The following ARHGAP25 variants were observed in gnomAD, a reference collection of about 807,000 sequenced individuals.
The protein encoded by ARHGAP25 is rho GTPase-activating protein 25.
ARHGAP25 carries 34 observed loss-of-function variants against 71.0 expected under a neutral mutation model. The observed-to-expected ratio is 0.48, with a 90% CI of 0.36 to 0.64. The LOEUF (loss-of-function observed/expected upper bound fraction) is 0.64, where lower values mean the gene tolerates loss of function less well. Among genes scored for constraint, ARHGAP25 ranks in the 30% least tolerant of loss-of-function variants. The pLI is 0.00. For synonymous variants in ARHGAP25, 282 were observed against 296.5 expected (o/e 0.95, Z 0.50); for missense variants, 706 against 805.1 (o/e 0.88, Z 1.49).
chr2:68,786,625 A>T (rs1678776407), intron 3 of ARHGAP25, among the ~76,000 whole-genome samples: 1 of 152,222 alleles, frequency 6.6e-6, no homozygotes, highest in South Asian at 2.1e-4. Context: ...CCAGTGCTTT[A>T]ATGGTCAGAA....
chr2:68,754,022 C>A (rs1319340673), intron 1 of ARHGAP25, among the ~76,000 whole-genome samples: 1 of 151,914 alleles, frequency 6.6e-6, no homozygotes, highest in South Asian at 2.1e-4. Context: ...CCTGCCTCAG[C>A]CTCCCAAGCA....
Position 68,816,675 on chromosome 2 carries a change from C to T in ARHGAP25, c.881+313C>T, listed in dbSNP as rs143893513. ...GATCTCCCATCTTTGTGATTCTGAG[C>T]CGTAGCTTAGCTCCAGGGAGACATT... On this transcript the variant is annotated intron_variant, in intron 7 of 10. Coordinates refer to ENST00000409202, the MANE Select transcript of ARHGAP25 (RefSeq NM_001007231.3). The T allele has an allele frequency of 4.8e-5, 12 of 249,680 alleles. No homozygotes were observed. The East Asian group carries it at 1.2e-3, about 24-fold the overall frequency. 15.5% of individuals were successfully genotyped at this position (249,680 alleles called of 1,614,324 possible). A position where few individuals can be genotyped will look rare whatever the true frequency, so the allele number is the denominator to read the frequency against.
intron 3 of ARHGAP25, among the ~76,000 whole-genome samples, chr2:68,785,841 T>TG (rs1405780930): frequency 6.6e-6 from 1 of 152,154 alleles, no homozygotes; most frequent in African/African-American, 2.4e-5. Flanking sequence ...GGGTAACACA[T>TG]GTTGAACAGG....
intron 1 of ARHGAP25, chr2:68,774,935 T>G: frequency 7.1e-7 from 1 of 1,408,668 alleles, no homozygotes; most frequent in Non-Finnish European, 9.2e-7. Flanking sequence ...ACCTTTCGGT[T>G]TGCAGAATGA....
intron 4 of ARHGAP25, among the ~76,000 whole-genome samples, 154 bp downstream of exon 4, chr2:68,788,110 G>A (rs1475175551): frequency 1.3e-5 from 2 of 152,234 alleles, no homozygotes; most frequent in Admixed American, 6.5e-5. Context: ...TGTCAAATGT[G>A]GAGGAAAAGT....
Position 68,807,492 on chromosome 2 carries a change from C to T in ARHGAP25, c.674+12C>T. On this transcript the variant is annotated intron_variant, in intron 5 of 10. Coordinates refer to ENST00000409202, the MANE Select transcript of ARHGAP25 (RefSeq NM_001007231.3). ...CCCTCCTTTGACAGGTACATTGCCCCACTGCAGTGTCCCACCTCTGCCCTC... is the reference window on the plus strand; with the variant it reads ...CCCTCCTTTGACAGGTACATTGCCCTACTGCAGTGTCCCACCTCTGCCCTC... The T allele has an allele frequency of 6.2e-7, 1 of 1,612,802 alleles. No homozygotes were observed. Among genetic ancestry groups the T allele is most frequent in the Non-Finnish European group, 8.5e-7 (1 of 1,179,082 alleles).
chr2:68,748,778 TC>T (rs1675986799), intron 1 of ARHGAP25, among the ~76,000 whole-genome samples: 1 of 152,190 alleles, frequency 6.6e-6, no homozygotes, highest in African/African-American at 2.4e-5. Context: ...CATTTAGCTA[TC>T]CCTGAGGGCG....
intron 1 of ARHGAP25, among the ~76,000 whole-genome samples, chr2:68,762,292 A>T (rs1676872335): frequency 6.6e-6 from 1 of 152,162 alleles, no homozygotes; most frequent in Non-Finnish European, 1.5e-5. Context: ...AGATGAAAAG[A>T]GTTCTGAAAA....
chr2:68,792,498 GA>G (rs1205448278), intron 4 of ARHGAP25, among the ~76,000 whole-genome samples: 2 of 152,160 alleles, frequency 1.3e-5, no homozygotes, highest in Non-Finnish European at 2.9e-5. Context: ...TTATAAGTCA[GA>G]ACATGTGATA....
upstream of ARHGAP25, among the ~76,000 whole-genome samples, chr2:68,731,255 T>C (rs1221689756): frequency 2.0e-5 from 3 of 152,032 alleles, no homozygotes; most frequent in Non-Finnish European, 4.4e-5. Flanking sequence ...CAATCCTCAC[T>C]GTTTTTGTGC....
At chr2:68,731,902 CTG>C (rs1192718685), upstream of ARHGAP25, among the ~76,000 whole-genome samples, 1 of 152,126 alleles carries the variant, frequency 6.6e-6, no homozygotes, top group Non-Finnish European at 1.5e-5. Context: ...CCCCAACAGA[CTG>C]TAAGAGACAA....
Position 68,734,880 on chromosome 2 carries a change from C to T in ARHGAP25, c.-320C>T, listed in dbSNP as rs146398714. On this transcript the variant is annotated 5_prime_UTR_variant, in exon 1 of 11. The change creates a new upstream start codon in the 5' untranslated region. Transcript: ENST00000409202. ...CGAAAAGGAGCTTTGCTTCCCATGA[C>T]GCAGAGGGAAGTGTCAACTGGGATA... 195 of 373,794 alleles carry T rather than the reference C, an allele frequency of 5.2e-4. No homozygotes were observed. In the East Asian group the frequency reaches 7.8e-3, roughly 15 times the overall value. The allele number at this position is 373,794 out of a possible 1,614,324, so 23.2% of individuals were successfully genotyped here. A position where few individuals can be genotyped will look rare whatever the true frequency, so the allele number is the denominator to read the frequency against.
At chr2:68,785,343 G>T (rs1225868905) in intron 3 of ARHGAP25, among the ~76,000 whole-genome samples, 2 of 152,182 alleles carry the variant, frequency 1.3e-5, no homozygotes, top group Non-Finnish European at 2.9e-5. Context: ...GCTTTTGCAA[G>T]AATCCAAGTC....
intron 2 of ARHGAP25, among the ~76,000 whole-genome samples, chr2:68,779,815 C>T (rs536092968): frequency 6.6e-6 from 1 of 152,300 alleles, no homozygotes; most frequent in African/African-American, 2.4e-5. Flanking sequence ...TATCAGTGTC[C>T]CCACCCTCAC....
chr2:68,731,509 G>A (rs1009259062), upstream of ARHGAP25, among the ~76,000 whole-genome samples: 2 of 151,782 alleles, frequency 1.3e-5, no homozygotes, highest in Non-Finnish European at 2.9e-5. Flanking sequence ...AGTGACCTCC[G>A]TTTTCCCCAG....
In ARHGAP25 at chr2:68,735,208, A is replaced by C; in HGVS notation, c.9A>C (p.Leu3=). Residue 3 remains leucine, a synonymous_variant, in exon 1 of 11, where the codon CTA becomes CTC. Transcript: ENST00000409202. Reference sequence around the variant, plus strand: ...CTTAAACTGGAAGCAAAATGTCCCTAAAATTGCCAAGGAACTGGGATTTCA... The same window carrying C: ...CTTAAACTGGAAGCAAAATGTCCCTCAAATTGCCAAGGAACTGGGATTTCA... The part of the protein sequence containing the change: MS[L]KLPRNWDFNL... The C allele has an allele frequency of 6.2e-7, 1 of 1,614,096 alleles. No individual in the cohort carries two copies. Among genetic ancestry groups the C allele is most frequent in the Non-Finnish European group, 8.5e-7 (1 of 1,179,922 alleles).
chr2:68,804,692 G>A (rs1680239469), intron 4 of ARHGAP25, among the ~76,000 whole-genome samples: 1 of 152,200 alleles, frequency 6.6e-6, no homozygotes, highest in Non-Finnish European at 1.5e-5. Flanking sequence ...CTGGCACATG[G>A]CAGGGCACTC....
intron 3 of ARHGAP25, among the ~76,000 whole-genome samples, chr2:68,784,301 C>A (rs1283953165): frequency 1.3e-5 from 2 of 152,142 alleles, no homozygotes; most frequent in Non-Finnish European, 2.9e-5. Context: ...TTCCACCCAA[C>A]CCTAAAGTGA....
At chr2:68,761,260 T>C (rs1676799392) in intron 1 of ARHGAP25, among the ~76,000 whole-genome samples, 1 of 152,040 alleles carries the variant, frequency 6.6e-6, no homozygotes, top group Admixed American at 6.6e-5. Flanking sequence ...ATGAACTAAA[T>C]TTAAGACCCC....
Sources: allele counts gnomAD v4.1 joint callset (sites outside exome capture counted in the v4.1 genomes callset), GRCh38; gene constraint gnomAD v4.1.1; transcripts MANE v1.5; gene names NCBI Gene and HGNC (gene_info 2026-07-23, HGNC 2026-07-21).